Variants in NSUN2 observed in about 807,000 individuals in gnomAD.
NSUN2 encodes the protein RNA cytosine C(5)-methyltransferase NSUN2.
In NSUN2, 63 loss-of-function variants were observed where a neutral mutation model predicts 92.7. The ratio of observed to expected loss-of-function variants is 0.68; its 90% CI spans 0.56 to 0.84. NSUN2 has a LOEUF of 0.84. NSUN2 is among the 40% of genes least tolerant of loss of function. The pLI is 0.00. For synonymous variants in NSUN2, 356 were observed against 348.3 expected (o/e 1.02, Z -0.25); for missense variants, 989 against 964.9 (o/e 1.02, Z -0.33).
At chr5:6,604,042 T>C (rs368343540) in intron 17 of NSUN2, 96 bp downstream of exon 17, 5 of 1,092,362 alleles carry the variant, frequency 4.6e-6, no homozygotes, top group East Asian at 4.8e-5. Flanking sequence ...CTGAAAACTA[T>C]GATTGATAAA....
At position 6,610,959 on chromosome 5, in the gene NSUN2, G is replaced by A. The variant is rs1221890051; in HGVS notation, c.1222C>T (p.Arg408Ter). The change falls in exon 11 of 19, where the codon CGA becomes TGA. Residue 408 changes from arginine to a stop codon, truncating the protein, a stop_gained. Transcript: ENST00000264670. LOFTEE classifies it high-confidence loss of function. ...CTGGAGGCCCCACCAGCTCACCATC[G>A]CTCCAGGTGCATGGCCTGCAGCTTT... The part of the protein sequence containing the change: ...PEKLQAMHLE[R>*]CLRILPHHQN... The A allele has an allele frequency of 6.2e-6, 10 of 1,613,858 alleles. No homozygotes were observed. Among genetic ancestry groups the A allele is most frequent in the Admixed American group, 3.3e-5 (2 of 60,002 alleles).
At chr5:6,600,651 G>A (rs988459449) in intron 18 of NSUN2, among the ~76,000 whole-genome samples, 2 of 152,170 alleles carry the variant, frequency 1.3e-5, no homozygotes, top group Non-Finnish European at 2.9e-5. Context: ...GCTCCTGAGA[G>A]GCTGGGAGAC....
At position 6,599,979 on chromosome 5, in the gene NSUN2, T is replaced by G. The variant is rs1201211422; in HGVS notation, c.2251A>C (p.Ser751Arg). ...TCACAGCCTGCTGTCACGTCTGGAC[T>G]GTTGGCCTCTTCTGCATCTGGGCTG... is the stretch of plus-strand genomic sequence containing the variant. ...PNSPDAEEAN[S>R]PDVTAGCDPA... Residue 751 changes from serine to arginine, a missense_variant, in exon 19 of 19, where the codon AGT becomes CGT. Physicochemically the swap from Ser to Arg is moderately radical, Grantham distance 110. This residue lies in a region of NSUN2 where 626 missense variants were observed against 602.3 expected (regional missense o/e 1.04). Transcript: ENST00000264670. 1 of 1,614,226 alleles carries G rather than the reference T, an allele frequency of 6.2e-7. No individual in the cohort carries two copies. Among genetic ancestry groups the G allele is most frequent in the South Asian group, 1.1e-5 (1 of 91,082 alleles).
At chr5:6,607,532 G>T in intron 12 of NSUN2, 148 bp from the exon 13 acceptor site, 1 of 703,644 alleles carries the variant, frequency 1.4e-6, no homozygotes, top group Non-Finnish European at 2.3e-6. Context: ...TTTTTTTAAA[G>T]TGTCATTTTA....
In NSUN2 at chr5:6,600,559, C is replaced by G. The variant is rs112794188; in HGVS notation, c.1998-327G>C. On this transcript the variant is annotated intron_variant, in intron 18 of 18. Transcript: ENST00000264670. Reference sequence around the variant, plus strand: ...ACTTAACTTACTGTCCCCGCCACCCCGTGTCACCTCACCCCACTAAATGAG... The same window carrying G: ...ACTTAACTTACTGTCCCCGCCACCCGGTGTCACCTCACCCCACTAAATGAG... 7.0e-3 allele frequency among the ~76,000 whole-genome samples: 1,069 copies of G among 152,316 alleles called. 9 individuals carry two copies. The highest frequency in any genetic ancestry group is 0.025 in the African/African-American group (1,030 of 41,570).
chr5:6,606,433 G>A (rs1736773538), intron 14 of NSUN2, among the ~76,000 whole-genome samples: 1 of 152,052 alleles, frequency 6.6e-6, no homozygotes, highest in Non-Finnish European at 1.5e-5. Context: ...ACAGGTGCCC[G>A]CCACCACGCC....
chr5:6,619,803 C>T (rs1737360971), intron 7 of NSUN2, among the ~76,000 whole-genome samples: 1 of 152,174 alleles, frequency 6.6e-6, no homozygotes, highest in Admixed American at 6.5e-5. Context: ...CTAAAACACA[C>T]CACAATAAGA....
intron 12 of NSUN2, 137 bp downstream of exon 12, chr5:6,609,689 C>T: frequency 1.6e-6 from 1 of 641,482 alleles, no homozygotes; most frequent in Non-Finnish European, 2.7e-6. Context: ...GAAATTCCCC[C>T]TCATTCAGGG....
At chr5:6,610,477 T>C (rs1560975419) in intron 11 of NSUN2, among the ~76,000 whole-genome samples, 1 of 151,922 alleles carries the variant, frequency 6.6e-6, no homozygotes, top group Non-Finnish European at 1.5e-5. Flanking sequence ...TAACCTGAGG[T>C]TGGGAGTTCA....
chr5:6,621,881 C>T (rs1403874380), intron 6 of NSUN2, 135 bp downstream of exon 6: 12 of 674,982 alleles, frequency 1.8e-5, no homozygotes, highest in Admixed American at 4.9e-5. Flanking sequence ...GTTCTACTTC[C>T]GGTAGACGGA....
chr5:6,622,147 A>G, intron 5 of NSUN2, 47 bp from the exon 6 acceptor site: 5 of 1,427,174 alleles, frequency 3.5e-6, no homozygotes, highest in Non-Finnish European at 4.9e-6. Context: ...AAAACCAAAT[A>G]TTCTACATTT....
rs574652274 is a variant in NSUN2 at position 6,607,367 on chromosome 5, T to C, written c.1341A>G (p.Ala447=). Residue 447 remains alanine (A), a synonymous_variant, in exon 13 of 19, where the codon GCA becomes GCG. Coordinates refer to ENST00000264670, the MANE Select transcript of NSUN2 (RefSeq NM_017755.6). Reference sequence around the variant, plus strand: ...TCAGCTGTGTGCTTTCTCTGGTCTCTGCAGATTTACCCTGAAGCTGTCATA... The same window carrying C: ...TCAGCTGTGTGCTTTCTCTGGTCTCCGCAGATTTACCCTGAAGCTGTCATA... ...KRQPKLQGKS[A]ETRESTQLSP... 1.5e-5 allele frequency: 24 copies of C among 1,613,568 alleles called. No individual in the cohort carries two copies. In the African/African-American group the frequency reaches 2.9e-4, roughly 20 times the overall value.
At chr5:6,604,791 G>T in intron 15 of NSUN2, 106 bp from the exon 16 acceptor site, 3 of 918,020 alleles carry the variant, frequency 3.3e-6, no homozygotes, top group Non-Finnish European at 5.2e-6. Flanking sequence ...GGAAAGGAGA[G>T]GAGAAGCAGA....
chr5:6,606,432 C>T (rs1460151432), intron 14 of NSUN2, among the ~76,000 whole-genome samples: 4 of 152,082 alleles, frequency 2.6e-5, no homozygotes, highest in South Asian at 2.1e-4. Context: ...TACAGGTGCC[C>T]GCCACCACGC....
chr5:6,613,849 C>T (rs1487358648), intron 9 of NSUN2, among the ~76,000 whole-genome samples: 1 of 152,092 alleles, frequency 6.6e-6, no homozygotes, highest in African/African-American at 2.4e-5. Flanking sequence ...GTAATCCCAG[C>T]ACTTTGGGAG....
chr5:6,631,441 G>T (rs1737888051), intron 3 of NSUN2, among the ~76,000 whole-genome samples: 1 of 152,040 alleles, frequency 6.6e-6, no homozygotes, highest in African/African-American at 2.4e-5. Context: ...GAAGTACCAG[G>T]AGACAACCTG....
At chr5:6,627,955 G>A (rs539376332) in intron 3 of NSUN2, among the ~76,000 whole-genome samples, 1 of 152,296 alleles carries the variant, frequency 6.6e-6, no homozygotes, top group African/African-American at 2.4e-5. Flanking sequence ...AAGTTAAAAG[G>A]ACCACTGTCA....
chr5:6,606,838 G>C lies in NSUN2; in HGVS notation c.1583C>G (p.Pro528Arg). ...TCCTTACTCAATAGGTGGAAATAAT[G>C]GGTCATCTTCAGGAATAAATACAAA... ...DPFVFIPEDD[P>R]LFPPIEKFYA... Residue 528 changes from proline (P) to arginine (R), a missense_variant, in exon 14 of 19, where the codon CCA becomes CGA. Pro to Arg is a moderately radical substitution (Grantham distance 103, BLOSUM62 -2). Coordinates refer to ENST00000264670, the MANE Select transcript of NSUN2 (RefSeq NM_017755.6). 1 of 1,578,428 alleles carries C rather than the reference G, an allele frequency of 6.3e-7. No individual in the cohort carries two copies. Among genetic ancestry groups the C allele is most frequent in the Non-Finnish European group, 8.7e-7 (1 of 1,148,786 alleles).
rs1736664934 is a variant in NSUN2 at position 6,604,180 on chromosome 5, T to TA, written c.1914dup (p.Arg639Ter). On this transcript the variant is annotated frameshift_variant, in exon 17 of 19. Transcript: ENST00000264670. LOFTEE classifies it high-confidence loss of function. ...CTGTAGGTCTCACTGCTGAGTTTTC[T>TA]AAAAAAGGGATTTTCCTGGGTCAAC... The TA allele has an allele frequency of 6.2e-7, 1 of 1,613,918 alleles. No individual in the cohort carries two copies. The highest frequency in any genetic ancestry group is 1.3e-5 in the African/African-American group (1 of 74,934).
Sources: gnomAD v4.1 joint callset for allele counts (sites outside exome capture counted in the v4.1 genomes callset) on GRCh38, gnomAD v4.1.1 for gene constraint, gnomAD v4.1.1 regional missense constraint, MANE v1.5 for transcripts, NCBI Gene and HGNC (gene_info 2026-07-23, HGNC 2026-07-21) for gene names.